The following HIVEP3 variants were observed in gnomAD, a reference collection of about 807,000 sequenced individuals.
HIVEP3 encodes the protein HIVEP zinc finger 3, also known as transcription factor HIVEP3.
In HIVEP3, 49 loss-of-function variants were observed where a neutral mutation model predicts 152.8. The ratio of observed to expected loss-of-function variants is 0.32; its 90% CI spans 0.26 to 0.41. HIVEP3 has a LOEUF of 0.41. HIVEP3 is among the 10% of genes least tolerant of loss of function. HIVEP3 has a pLI of 1.00. For synonymous variants in HIVEP3, 1,269 were observed against 1,289.0 expected, an observed-to-expected ratio of 0.98 and a Z score of 0.33; for missense variants, 2,790 against 3,103.3, an observed-to-expected ratio of 0.90 and a Z score of 2.40.
At chr1:42,003,562 C>T (rs75076981) in intron 1 of HIVEP3, among the ~76,000 whole-genome samples, 1,886 of 152,228 alleles carry the variant, frequency 0.012, 38 homozygotes, top group African/African-American at 0.044. Context: ...AGAAGACAAA[C>T]CACCTTGGGA....
At chr1:41,861,095 C>T (rs1279098827) in intron 1 of HIVEP3, among the ~76,000 whole-genome samples, 1 of 152,146 alleles carries the variant, frequency 6.6e-6, no homozygotes, top group Non-Finnish European at 1.5e-5. Context: ...AGCTGTGTGC[C>T]ATTCACAGCC....
chr1:42,016,500 T>C (rs1645523869), intron 1 of HIVEP3, among the ~76,000 whole-genome samples: 1 of 152,038 alleles, frequency 6.6e-6, no homozygotes. Context: ...GCCTCAGTAA[T>C]CCCCCGAGAG....
intron 2 of HIVEP3, among the ~76,000 whole-genome samples, chr1:41,652,017 C>G (rs1324908311): frequency 2.0e-5 from 3 of 152,176 alleles, no homozygotes; most frequent in Non-Finnish European, 4.4e-5. Context: ...TTTCTATGCA[C>G]CTGGCACTCT....
In HIVEP3 at chr1:41,606,345, C is replaced by T. The variant is rs139946616; in HGVS notation, c.-521-21027G>A. Among the ~76,000 whole-genome samples, 297 of 152,096 alleles carry T rather than the reference C, an allele frequency of 2.0e-3. 1 individual carries two copies. Among genetic ancestry groups the T allele is most frequent in the Admixed American group, 3.5e-3 (54 of 15,298 alleles). On this transcript the variant is annotated intron_variant, in intron 3 of 8. Coordinates refer to ENST00000372583, the MANE Select transcript of HIVEP3 (RefSeq NM_024503.5). ...TGTCCACATTCTCTACTTTCCACTT[C>T]CTTCCCTCCTGCCCACCTTCAGATT...
chr1:41,583,800 T>A lies in HIVEP3; in HGVS notation c.998A>T (p.Gln333Leu), dbSNP rs1558088880. 2 of 1,594,206 alleles carry A rather than the reference T, an allele frequency of 1.3e-6. No individual in the cohort carries two copies. The highest frequency in any genetic ancestry group is 2.7e-5 in the African/African-American group (2 of 74,396). ...RCSLSQSSTA[Q>L]SLEDPPPFVE... ...AAATGGAGGGGGGTCTTCGAGTGAC[T>A]GGGCTGTGCTGGACTGGGACAGGGA... is the stretch of plus-strand genomic sequence containing the variant. Residue 333 changes from glutamine (Q) to leucine (L), a missense_variant, in exon 4 of 9, where the codon CAG becomes CTG. Coordinates refer to ENST00000372583, the MANE Select transcript of HIVEP3 (RefSeq NM_024503.5). The surrounding 1 kb of genome is among the most constrained non-coding windows in gnomAD (Gnocchi z 6.9).
At chr1:41,771,964 C>T (rs1648402727) in intron 1 of HIVEP3, among the ~76,000 whole-genome samples, 1 of 152,172 alleles carries the variant, frequency 6.6e-6, no homozygotes, top group Non-Finnish European at 1.5e-5. Flanking sequence ...CGCACCCAGT[C>T]CCTGGCAGGT....
At chr1:42,012,689 CAATAAA>C (rs60595950) in intron 1 of HIVEP3, among the ~76,000 whole-genome samples, 101,783 of 150,332 alleles carry the variant, frequency 0.68, 35,081 homozygotes, top group East Asian at 0.95. Flanking sequence ...GACTCCCTCT[CAATAAA>C]AATAAAAATA....
chr1:42,026,710 T>C (rs1645584394), intron 1 of HIVEP3, among the ~76,000 whole-genome samples: 1 of 152,142 alleles, frequency 6.6e-6, no homozygotes, highest in Non-Finnish European at 1.5e-5. Flanking sequence ...GAGTACTTCC[T>C]ACAAATATGG....
rs968715869 is a variant in HIVEP3, at chr1:41,918,276, C to A, written c.-801+137G>T. The A allele has an allele frequency of 1.3e-5, 2 of 153,926 alleles. No individual in the cohort carries two copies. Among genetic ancestry groups the A allele is most frequent in the African/African-American group, 4.8e-5 (2 of 41,484 alleles). 9.5% of individuals were successfully genotyped at this position (153,926 alleles called of 1,614,324 possible). ...TGCGTCTCGGCAGCCGGACACCTTG[C>A]CTAAGAAAGGCATACACAAAATGGA... On this transcript the variant is annotated intron_variant, in intron 1 of 8. Coordinates refer to ENST00000372583, the MANE Select transcript of HIVEP3 (RefSeq NM_024503.5). This position sits in a 1 kb window ranked among gnomAD's most constrained non-coding sequence, Gnocchi z 4.3.
chr1:41,598,617 C>T lies in HIVEP3; in HGVS notation c.-521-13299G>A, dbSNP rs533213398. The stretch of plus-strand genomic sequence containing the variant: ...TGCAACTCATTTCTTCATTTCTCCA[C>T]TCAGTCTGCAAGTACTACGTGGGCC... On this transcript the variant is annotated intron_variant, in intron 3 of 8. Coordinates refer to ENST00000372583, the MANE Select transcript of HIVEP3 (RefSeq NM_024503.5). Among the ~76,000 whole-genome samples, 9 of 152,314 alleles carry T rather than the reference C, an allele frequency of 5.9e-5. No individual in the cohort carries two copies. The East Asian group carries it at 1.7e-3, about 29-fold the overall frequency.
intron 1 of HIVEP3, among the ~76,000 whole-genome samples, chr1:41,937,147 T>A (rs1165048185): frequency 2.6e-5 from 4 of 152,224 alleles, no homozygotes; most frequent in Non-Finnish European, 5.9e-5. Flanking sequence ...GTCCTCTTTA[T>A]GTGGGGAGAA....
intron 2 of HIVEP3, among the ~76,000 whole-genome samples, chr1:41,633,274 G>C (rs892622548): frequency 6.6e-6 from 1 of 152,152 alleles, no homozygotes; most frequent in Non-Finnish European, 1.5e-5. Context: ...CAGCTGGCCA[G>C]AAAGTCCGAG....
intron 2 of HIVEP3, among the ~76,000 whole-genome samples, chr1:41,652,812 T>C (rs1645572029): frequency 6.6e-6 from 1 of 152,192 alleles, no homozygotes; most frequent in African/African-American, 2.4e-5. Context: ...TTTTGGTCTT[T>C]AGTGGCATTT....
intron 3 of HIVEP3, among the ~76,000 whole-genome samples, chr1:41,610,698 G>T (rs1485733562): frequency 1.3e-5 from 2 of 152,192 alleles, no homozygotes; most frequent in Non-Finnish European, 2.9e-5. Flanking sequence ...CTCCACCCAG[G>T]GAGCCCGGTT....
At chr1:41,746,942 C>T (rs936389670) in intron 1 of HIVEP3, among the ~76,000 whole-genome samples, 6 of 152,088 alleles carry the variant, frequency 3.9e-5, no homozygotes, top group Non-Finnish European at 8.8e-5. Context: ...GTCAGGAGGG[C>T]CAGCATGTGA....
At chr1:41,917,039 G>A (rs1026201964) in intron 1 of HIVEP3, among the ~76,000 whole-genome samples, 1 of 152,132 alleles carries the variant, frequency 6.6e-6, no homozygotes, top group Non-Finnish European at 1.5e-5. Context: ...CACGATCACT[G>A]ACCTGTATTC....
intron 5 of HIVEP3, among the ~76,000 whole-genome samples, chr1:41,528,242 A>ACC (rs1311986886): frequency 4.1e-5 from 2 of 48,232 alleles, no homozygotes; most frequent in African/African-American, 8.8e-5. Context: ...ACCCTCACAC[A>ACC]CTCACCCTCA....
intron 1 of HIVEP3, among the ~76,000 whole-genome samples, chr1:41,838,231 CTATAT>C (rs1557433234): frequency 1.3e-5 from 2 of 152,174 alleles, no homozygotes; most frequent in Admixed American, 6.5e-5. Flanking sequence ...TCTTGCAACA[CTATAT>C]TATATCACAA....
intron 1 of HIVEP3, among the ~76,000 whole-genome samples, chr1:41,828,943 G>A (rs1251825610): frequency 6.6e-6 from 1 of 152,236 alleles, no homozygotes; most frequent in African/African-American, 2.4e-5. Flanking sequence ...AGAATTTACA[G>A]TAAAAATCTG....
Sources: allele counts gnomAD v4.1 joint callset (sites outside exome capture counted in the v4.1 genomes callset), GRCh38; gene constraint gnomAD v4.1.1; non-coding constraint Gnocchi (gnomAD v3.1); transcripts MANE v1.5; gene names NCBI Gene and HGNC (gene_info 2026-07-23, HGNC 2026-07-21).